Variants in SLC7A11 observed in about 807,000 individuals in gnomAD.
SLC7A11 encodes solute carrier family 7 member 11.
SLC7A11 carries 35 observed loss-of-function variants against 54.5 expected under a neutral mutation model. The ratio of observed to expected loss-of-function variants is 0.64; its 90% CI spans 0.49 to 0.85. The LOEUF is 0.85. Among genes scored for constraint, SLC7A11 ranks in the 40% least tolerant of loss-of-function variants. SLC7A11 has a pLI of 0.00. For synonymous variants in SLC7A11, 230 were observed against 225.2 expected (o/e 1.02, Z -0.19); for missense variants, 583 against 618.1 (o/e 0.94, Z 0.60).
chr4:138,232,271 GC>G lies in SLC7A11; in HGVS notation c.515del (p.Gly172AlafsTer2). The G allele has an allele frequency of 6.3e-7, 1 of 1,581,692 alleles. No homozygotes were observed. Among genetic ancestry groups the G allele is most frequent in the Non-Finnish European group, 8.7e-7 (1 of 1,150,546 alleles). ...ATATATAGCTATAATACTCACTTAT[GC>G]CCACAGCTGTAATGAGCTTGATCGC... is the stretch of plus-strand genomic sequence containing the variant. The part of the protein sequence containing the change: ...ELAIKLITAV[G>X]ITVVMVLNSM... On this transcript the variant is annotated frameshift_variant, in exon 3 of 12. Coordinates refer to ENST00000280612, the MANE Select transcript of SLC7A11 (RefSeq NM_014331.4). LOFTEE classifies it high-confidence loss of function.
intron 6 of SLC7A11, among the ~76,000 whole-genome samples, chr4:138,201,793 T>C (rs1327131661): frequency 2.6e-5 from 4 of 152,134 alleles, no homozygotes; most frequent in African/African-American, 9.7e-5. Context: ...GAGCAAAGCA[T>C]TGTCAGACAC....
At chr4:138,241,683 G>T in intron 1 of SLC7A11, 110 bp downstream of exon 1, 4 of 830,644 alleles carry the variant, frequency 4.8e-6, no homozygotes, top group Non-Finnish European at 7.8e-6. Context: ...TAAAAATTTG[G>T]TGTGGCCTTT....
At chr4:138,197,208 T>G (rs549852221) in intron 6 of SLC7A11, among the ~76,000 whole-genome samples, 4 of 152,238 alleles carry the variant, frequency 2.6e-5, no homozygotes, top group South Asian at 2.1e-4. Flanking sequence ...ATAATTAAAT[T>G]TATTCATGTT....
At chr4:138,222,865 T>TAA (rs11382936) in intron 4 of SLC7A11, among the ~76,000 whole-genome samples, 26 of 150,330 alleles carry the variant, frequency 1.7e-4, no homozygotes, top group Middle Eastern at 3.4e-3. Flanking sequence ...AATTTTAAAG[T>TAA]AAAAAAAAGA....
rs137939559 is a variant in SLC7A11 at position 138,196,499 on chromosome 4, G to A, written c.792-11255C>T. 5.7e-3 allele frequency among the ~76,000 whole-genome samples: 873 copies of A among 152,168 alleles called. 6 individuals are homozygous for A. Among genetic ancestry groups the A allele is most frequent in the Middle Eastern group, 0.017 (5 of 294 alleles). Reference sequence around the variant, plus strand: ...CAAAATACTGAGCTCCCTCCGTGACGACTGAAGTTGAAAGAGCAACACAAT... The same window carrying A: ...CAAAATACTGAGCTCCCTCCGTGACAACTGAAGTTGAAAGAGCAACACAAT... On this transcript the variant is annotated intron_variant, in intron 6 of 11. Coordinates refer to ENST00000280612, the MANE Select transcript of SLC7A11 (RefSeq NM_014331.4).
intron 6 of SLC7A11, among the ~76,000 whole-genome samples, chr4:138,193,062 A>G (rs1165364248): frequency 6.6e-6 from 1 of 152,196 alleles, no homozygotes; most frequent in Non-Finnish European, 1.5e-5. Flanking sequence ...GACAACACTT[A>G]TACTATACAC....
Position 138,165,044 on chromosome 4 carries a change from A to C in SLC7A11, c.*6912T>G, listed in dbSNP as rs1357401627. On this transcript the variant is annotated 3_prime_UTR_variant, in exon 12 of 12. Coordinates refer to ENST00000280612, the MANE Select transcript of SLC7A11 (RefSeq NM_014331.4). ...TTGTCACAGAATATGAAAAATATTT[A>C]AATACATTCATAGATAGTACCTAAT... is the stretch of plus-strand genomic sequence containing the variant. 6.6e-6 allele frequency: 1 copy of C among 152,374 alleles called. No individual in the cohort carries two copies. Among genetic ancestry groups the C allele is most frequent in the Non-Finnish European group, 1.5e-5 (1 of 68,004 alleles). 9.4% of individuals were successfully genotyped at this position (152,374 alleles called of 1,614,324 possible).
intron 1 of SLC7A11, among the ~76,000 whole-genome samples, chr4:138,239,852 C>T (rs753807257): frequency 2.6e-5 from 4 of 152,186 alleles, no homozygotes; most frequent in African/African-American, 4.8e-5. Context: ...GCTGCATGCA[C>T]ATAAGTACGC....
intron 8 of SLC7A11, 94 bp from the exon 9 acceptor site, chr4:138,182,487 T>C (rs1736771591): frequency 1.4e-6 from 1 of 730,454 alleles, no homozygotes; most frequent in East Asian, 2.6e-5. Context: ...CATCTTTTCA[T>C]ACCAAATGGT....
At chr4:138,226,750 T>G (rs1162664291) in intron 3 of SLC7A11, among the ~76,000 whole-genome samples, 1 of 152,180 alleles carries the variant, frequency 6.6e-6, no homozygotes, top group Non-Finnish European at 1.5e-5. Context: ...TAAAAAATAC[T>G]ACCTTACCCA....
In SLC7A11 at chr4:138,242,083, G is replaced by A. The variant is rs753658967; in HGVS notation, c.-14C>T. 1.9e-6 allele frequency: 3 copies of A among 1,611,718 alleles called. No homozygotes were observed. Among genetic ancestry groups the A allele is most frequent in the African/African-American group, 2.7e-5 (2 of 74,782 alleles). On this transcript the variant is annotated 5_prime_UTR_variant, in exon 1 of 12. Coordinates refer to ENST00000280612, the MANE Select transcript of SLC7A11 (RefSeq NM_014331.4). ...CTTTCTGACCATAGTAGGGACACAC[G>A]GGGGAAAAATAAAACAGAGGGAAAG...
At chr4:138,193,375 T>A (rs11100834) in intron 6 of SLC7A11, among the ~76,000 whole-genome samples, 1 of 151,936 alleles carries the variant, frequency 6.6e-6, no homozygotes, top group Non-Finnish European at 1.5e-5. Flanking sequence ...ACTAGTTTTA[T>A]GTATTGACAT....
Position 138,169,737 on chromosome 4 carries a change from T to A in SLC7A11, c.*2219A>T, listed in dbSNP as rs1420738935. 1 of 151,216 alleles carries A rather than the reference T, an allele frequency of 6.6e-6. No individual in the cohort carries two copies. Among genetic ancestry groups the A allele is most frequent in the East Asian group, 1.9e-4 (1 of 5,174 alleles). 9.4% of individuals were successfully genotyped at this position (151,216 alleles called of 1,614,324 possible). The stretch of plus-strand genomic sequence containing the variant: ...GCCTAGTCTATGGGGAAAAAAAAAA[T>A]AGGAATATGAAAGAAATTCTTACCT... On this transcript the variant is annotated 3_prime_UTR_variant, in exon 12 of 12. Coordinates refer to ENST00000280612, the MANE Select transcript of SLC7A11 (RefSeq NM_014331.4).
chr4:138,226,089 G>C (rs1239764092), intron 3 of SLC7A11, among the ~76,000 whole-genome samples: 1 of 152,058 alleles, frequency 6.6e-6, no homozygotes, highest in African/African-American at 2.4e-5. Flanking sequence ...AGTTTTCTTA[G>C]GCAAATGGAA....
chr4:138,173,884 CAAACTT>C (rs1736500546), intron 11 of SLC7A11, among the ~76,000 whole-genome samples: 1 of 151,922 alleles, frequency 6.6e-6, no homozygotes, highest in African/African-American at 2.4e-5. Context: ...AGGGAAATGA[CAAACTT>C]ATTCTATAAA....
rs768264326 is a variant in SLC7A11 at position 138,219,347 on chromosome 4, T to C, written c.665A>G (p.Lys222Arg). The C allele has an allele frequency of 7.1e-5, 114 of 1,603,982 alleles. No individual in the cohort carries two copies. The highest frequency in any genetic ancestry group is 1.7e-4 in the Middle Eastern group (1 of 6,052). ...QLIKGQTQNF[K>R]DAFSGRDSSI... ...TGAATCTCTTCCTGAAAAGGCGTCT[T>C]TAAAGTTCTGCGTTTGACCTGTAAT... Residue 222 changes from lysine to arginine, a missense_variant, in exon 5 of 12, where the codon AAA becomes AGA. Physicochemically the swap from Lys to Arg is conservative, Grantham distance 26. Coordinates refer to ENST00000280612, the MANE Select transcript of SLC7A11 (RefSeq NM_014331.4).
chr4:138,219,203 A>G, intron 5 of SLC7A11, 63 bp downstream of exon 5: 1 of 912,120 alleles, frequency 1.1e-6, no homozygotes, highest in Non-Finnish European at 1.8e-6. Flanking sequence ...TTGGCACTTA[A>G]TCTGAGTGCA....
intron 6 of SLC7A11, among the ~76,000 whole-genome samples, chr4:138,189,808 C>T (rs764813048): frequency 3.3e-5 from 5 of 152,064 alleles, no homozygotes; most frequent in East Asian, 1.9e-4. Context: ...GCATCATTTT[C>T]GCTAAAAGTG....
intron 3 of SLC7A11, among the ~76,000 whole-genome samples, chr4:138,228,585 C>T (rs912195557): frequency 6.6e-6 from 1 of 151,430 alleles, no homozygotes; most frequent in Non-Finnish European, 1.5e-5. Context: ...GGTGAAACTC[C>T]GTCTCTACTA....
Sources: gnomAD v4.1 joint callset for allele counts (sites outside exome capture counted in the v4.1 genomes callset) on GRCh38, gnomAD v4.1.1 for gene constraint, MANE v1.5 for transcripts, NCBI Gene and HGNC (gene_info 2026-07-23, HGNC 2026-07-21) for gene names.